Variants in UNKL observed in about 807,000 individuals in gnomAD.
UNKL encodes putative E3 ubiquitin-protein ligase UNKL.
Under a neutral mutation model 78.0 loss-of-function variants are expected in UNKL, and 60 were observed. That is an observed-to-expected ratio of 0.77 (90% CI 0.63 to 0.95). UNKL has a LOEUF of 0.95. Ranked by LOEUF, UNKL falls within the 40% of genes least tolerant of loss-of-function variation. The probability of loss-of-function intolerance (pLI) is 0.00; values close to 1 mark genes in which losing one functional copy is unlikely to be tolerated. For synonymous variants in UNKL, 608 were observed against 474.8 expected (o/e 1.28, Z -3.65); for missense variants, 1,159 against 1,045.7 (o/e 1.11, Z -1.49).
intron 10 of UNKL, chr16:1,384,069 CA>C: frequency 5.3e-6 from 1 of 190,148 alleles, no homozygotes; most frequent in South Asian, 9.2e-5. Context: ...CTGAGTCCCT[CA>C]CTGTCACTGT....
Position 1,385,253 on chromosome 16 carries a change from C to A in UNKL, c.1219G>T (p.Ala407Ser). The change falls in exon 10 of 15, where the codon GCC becomes TCC. Residue 407 changes from alanine (A) to serine (S), a missense_variant. Ala to Ser is a moderately conservative substitution (Grantham distance 99). Coordinates refer to ENST00000389221, the MANE Select transcript of UNKL (RefSeq NM_001372107.1). The stretch of plus-strand genomic sequence containing the variant: ...CTGCTGGCGGGGCCGAGCGGGAGGG[C>A]ACGGGCGGGGGGCGCGGGCAGCGCA... ...PTALPAPPAR[A>S]LPLGPASSTV... is the part of the protein sequence containing the mutation. 7.6e-7 allele frequency: 1 copy of A among 1,320,418 alleles called. No homozygotes were observed. Among genetic ancestry groups the A allele is most frequent in the South Asian group, 2.0e-5 (1 of 49,050 alleles). 81.8% of individuals were successfully genotyped at this position (1,320,418 alleles called of 1,614,324 possible).
At chr16:1,385,003 C>A (rs985029417) in intron 10 of UNKL, among the ~76,000 whole-genome samples, 1 of 152,242 alleles carries the variant, frequency 6.6e-6, no homozygotes, top group South Asian at 2.1e-4. Context: ...GGCACCCAGG[C>A]CAGGAGCCTC....
At chr16:1,413,018 CAGG>C (rs1299748407) in intron 2 of UNKL, among the ~76,000 whole-genome samples, 10 of 151,516 alleles carry the variant, frequency 6.6e-5, no homozygotes, top group East Asian at 1.9e-4. Flanking sequence ...GAGGCTGAAG[CAGG>C]AGGATTGCTT....
chr16:1,390,598 A>G (rs1197360667), intron 9 of UNKL, 34 bp downstream of exon 9: 2 of 1,534,736 alleles, frequency 1.3e-6, no homozygotes, highest in African/African-American at 1.4e-5. Context: ...ACGCGACATC[A>G]GGCACGAGGG....
At chr16:1,389,187 C>G (rs1449447439) in intron 9 of UNKL, among the ~76,000 whole-genome samples, 1 of 152,180 alleles carries the variant, frequency 6.6e-6, no homozygotes, top group Non-Finnish European at 1.5e-5. Flanking sequence ...AGCACAGTGT[C>G]TTTGTTATGG....
intron 14 of UNKL, 108 bp from the exon 15 acceptor site, chr16:1,366,503 C>A (rs565962699): frequency 1.4e-5 from 19 of 1,356,874 alleles, no homozygotes; most frequent in Non-Finnish European, 1.8e-5. Context: ...GCCGCCCGGC[C>A]ACCAGCTACA....
In UNKL at chr16:1,395,795, C is replaced by T. The variant is rs369044991; in HGVS notation, c.852+1383G>A. ...TGAACACAGAAAACGCCCCGGACACCGGACTCCCGACAGGCCCCTGGTGAC... is the reference window on the plus strand; with the variant it reads ...TGAACACAGAAAACGCCCCGGACACTGGACTCCCGACAGGCCCCTGGTGAC... On this transcript the variant is annotated intron_variant, in intron 6 of 14. Transcript: ENST00000389221. 3.7e-5 allele frequency: 17 copies of T among 455,892 alleles called. 1 individual carries two copies. Among genetic ancestry groups the T allele is most frequent in the African/African-American group, 4.0e-5 (2 of 50,172 alleles). 28.2% of individuals were successfully genotyped at this position (455,892 alleles called of 1,614,324 possible). A position where few individuals can be genotyped will look rare whatever the true frequency, so the allele number is the denominator to read the frequency against.
chr16:1,405,267 G>GGGAA (rs1316679330), intron 2 of UNKL, among the ~76,000 whole-genome samples: 1 of 148,254 alleles, frequency 6.7e-6, no homozygotes, highest in African/African-American at 2.6e-5. Context: ...AAGAAAGACA[G>GGGAA]GGAGGGAGGG....
At chr16:1,395,763 G>A (rs1217970582) in intron 6 of UNKL, 1 of 456,690 alleles carries the variant, frequency 2.2e-6, no homozygotes, top group Non-Finnish European at 4.4e-6. Context: ...AACCAGGCCT[G>A]CGTGACTGAA....
Position 1,399,058 on chromosome 16 carries a change from T to G in UNKL, c.734+316A>C, listed in dbSNP as rs2037400306. On this transcript the variant is annotated intron_variant, in intron 5 of 14. Coordinates refer to ENST00000389221, the MANE Select transcript of UNKL (RefSeq NM_001372107.1). This position sits in a 1 kb window ranked among gnomAD's most constrained non-coding sequence, Gnocchi z 5.8. ...GCGTGGCTGCAACCAGAGGCACGGG[T>G]GGGGCACACGGGGGTCCCAGCTGGG... The G allele has an allele frequency of 5.0e-6, 7 of 1,396,548 alleles. No individual in the cohort carries two copies. Among genetic ancestry groups the G allele is most frequent in the African/African-American group, 1.4e-5 (1 of 69,044 alleles). The allele number at this position is 1,396,548 out of a possible 1,614,324, so 86.5% of individuals were successfully genotyped here.
intron 8 of UNKL, among the ~76,000 whole-genome samples, chr16:1,392,527 T>C (rs2037090607): frequency 1.3e-5 from 2 of 152,094 alleles, no homozygotes; most frequent in African/African-American, 2.4e-5. Flanking sequence ...CTCCGTCTCC[T>C]GGGTTCAAGT....
At position 1,397,140 on chromosome 16, in the gene UNKL, C is replaced by T. The variant is rs563749862; in HGVS notation, c.852+38G>A. 8.4e-6 allele frequency: 13 copies of T among 1,539,390 alleles called. No homozygotes were observed. The Admixed American group carries it at 2.6e-4, about 30-fold the overall frequency. ...AACCCCACAGCTTCTCTGGGACCTT[C>T]CAGCGACCCCTACGCCTGGGGGGTT... On this transcript the variant is annotated intron_variant, in intron 6 of 14. Coordinates refer to ENST00000389221, the MANE Select transcript of UNKL (RefSeq NM_001372107.1).
In UNKL at chr16:1,367,206, G is replaced by T. The variant is rs558104019; in HGVS notation, c.1932C>A (p.Gly644=). 1.9e-6 allele frequency: 3 copies of T among 1,605,092 alleles called. No homozygotes were observed. The highest frequency in any genetic ancestry group is 2.2e-5 in the South Asian group (2 of 89,696). ...GCAGCCCCGGCAGTGTGGAGGCTAC[G>T]CCCAGGCCCTCCAGCTCCTCCTGCA... is the stretch of plus-strand genomic sequence containing the variant. The part of the protein sequence containing the change: ...KQLQEELEGL[G]VASTLPGLRG... Residue 644 remains glycine (G), a synonymous_variant, in exon 14 of 15, where the codon GGC becomes GGA. Coordinates refer to ENST00000389221, the MANE Select transcript of UNKL (RefSeq NM_001372107.1).
chr16:1,376,192 CCTCCTCCCTCACTCCAAGGCTGGGGCATG>C (rs2036208434), intron 10 of UNKL, among the ~76,000 whole-genome samples: 2 of 146,008 alleles, frequency 1.4e-5, no homozygotes, highest in Admixed American at 1.4e-4. Context: ...CATGCTCCTC[CCTCCTCCCTCACTCCAAGGCTGGGGCATG>C]CTCCTCCCTC....
chr16:1,374,768 CAG>C (rs1195323914), intron 10 of UNKL, among the ~76,000 whole-genome samples: 2 of 152,220 alleles, frequency 1.3e-5, no homozygotes, highest in Non-Finnish European at 2.9e-5. Context: ...GTTCACCACA[CAG>C]GGGGCATCCC....
rs777068521 is a variant in UNKL at position 1,397,232 on chromosome 16, G to A, written c.798C>T (p.Gly266=). The A allele has an allele frequency of 8.3e-5, 128 of 1,544,234 alleles. No homozygotes were observed. The highest frequency in any genetic ancestry group is 1.0e-4 in the Non-Finnish European group (115 of 1,146,812). Residue 266 remains glycine, a synonymous_variant, in exon 6 of 15, where the codon GGC becomes GGT. Transcript: ENST00000389221. ...DEWGEPSRCD[G]GDGCQYCHSR... is the part of the protein sequence containing the mutation. Reference sequence around the variant, plus strand: ...AGTGGCAATACTGGCAGCCGTCGCCGCCATCGCAGCGTGAGGGTTCCCCCC... The same window carrying A: ...AGTGGCAATACTGGCAGCCGTCGCCACCATCGCAGCGTGAGGGTTCCCCCC...
At chr16:1,383,622 G>C (rs1351616071) in intron 10 of UNKL, 1 of 410,032 alleles carries the variant, frequency 2.4e-6, no homozygotes, top group East Asian at 7.3e-5. Context: ...GGCCGGCATC[G>C]TCTAGGAGTT....
chr16:1,376,848 C>G (rs561475088), intron 10 of UNKL, among the ~76,000 whole-genome samples: 5 of 152,260 alleles, frequency 3.3e-5, no homozygotes, highest in African/African-American at 1.2e-4. Context: ...CAGCACCGCA[C>G]AGTAATAAAA....
At chr16:1,371,319 G>T (rs1027909855) in intron 11 of UNKL, among the ~76,000 whole-genome samples, 200 bp downstream of exon 11, 19 of 152,264 alleles carry the variant, frequency 1.2e-4, no homozygotes, top group Non-Finnish European at 1.5e-4. Context: ...GGGAGAGGAG[G>T]AGGAGGTACC....
Sources: allele counts gnomAD v4.1 joint callset (sites outside exome capture counted in the v4.1 genomes callset), GRCh38; gene constraint gnomAD v4.1.1; non-coding constraint Gnocchi (gnomAD v3.1); transcripts MANE v1.5; gene names NCBI Gene and HGNC (gene_info 2026-07-23, HGNC 2026-07-21).